The following KCNU1 variants were observed in gnomAD, a reference collection of about 807,000 sequenced individuals.
KCNU1 encodes the protein potassium channel subfamily U member 1.
Under a neutral mutation model 126.8 loss-of-function variants are expected in KCNU1, and 93 were observed. That is an observed-to-expected ratio of 0.73 (90% confidence interval 0.62 to 0.87). The LOEUF is 0.87. Ranked by LOEUF, KCNU1 falls within the 40% of genes least tolerant of loss-of-function variation. The probability of loss-of-function intolerance (pLI) is 0.00; values close to 1 mark genes in which losing one functional copy is unlikely to be tolerated. For synonymous variants in KCNU1, 523 were observed against 494.2 expected (o/e 1.06, Z -0.77); for missense variants, 1,330 against 1,367.1 (o/e 0.97, Z 0.43).
At chr8:36,855,003 G>T (rs1463755432) in intron 18 of KCNU1, among the ~76,000 whole-genome samples, 1 of 152,062 alleles carries the variant, frequency 6.6e-6, no homozygotes, top group African/African-American at 2.4e-5. Flanking sequence ...TTTGTCAAAG[G>T]ATTCTGTGTT....
chr8:36,787,214 T>TA, intron 1 of KCNU1, 92 bp from the exon 2 acceptor site: 1 of 1,151,752 alleles, frequency 8.7e-7, no homozygotes, highest in Non-Finnish European at 1.2e-6. Flanking sequence ...TTTCGACTGA[T>TA]ACCATCACAA....
intron 19 of KCNU1, among the ~76,000 whole-genome samples, chr8:36,875,302 T>C (rs1223935947): frequency 6.6e-6 from 1 of 150,776 alleles, no homozygotes; most frequent in Non-Finnish European, 1.5e-5. Context: ...TGTGTGTATG[T>C]ATATACACAC....
At position 36,845,793 on chromosome 8, in the gene KCNU1, A is replaced by G; in HGVS notation, c.1794-9A>G. 1 of 1,597,330 alleles carries G rather than the reference A, an allele frequency of 6.3e-7. No homozygotes were observed. Among genetic ancestry groups the G allele is most frequent in the Non-Finnish European group, 8.6e-7 (1 of 1,166,198 alleles). On this transcript the variant is annotated splice_polypyrimidine_tract_variant and intron_variant, in intron 17 of 26. Transcript: ENST00000399881. ...CATAATTCATTCTTGGTTTTCTTTC[A>G]TTGTCCAGAGCCTTGTTTTACTGTT...
chr8:36,922,520 A>G lies in KCNU1; in HGVS notation c.2627A>G (p.Gln876Arg). ...KNPSNIHFIE[Q>R]LGGLEGSLQE... ...CCTTCCAACATTCACTTTATTGAACAGCTTGGTGGACTGGAAGGGTCCCTC... is the reference window on the plus strand; with the variant it reads ...CCTTCCAACATTCACTTTATTGAACGGCTTGGTGGACTGGAAGGGTCCCTC... The change falls in exon 24 of 27, where the codon CAG becomes CGG. Residue 876 changes from glutamine (Q) to arginine (R), a missense_variant. Physicochemically the swap from Gln to Arg is conservative, Grantham distance 43 (BLOSUM62 1). This residue lies in a region of KCNU1 where 1,054 missense variants were observed against 1,053.9 expected (regional missense o/e 1.00). Transcript: ENST00000399881. 1 of 1,612,728 alleles carries G rather than the reference A, an allele frequency of 6.2e-7. No individual in the cohort carries two copies. The highest frequency in any genetic ancestry group is 8.5e-7 in the Non-Finnish European group (1 of 1,179,492).
At chr8:36,878,928 A>G (rs1806367903) in intron 19 of KCNU1, among the ~76,000 whole-genome samples, 2 of 147,732 alleles carry the variant, frequency 1.4e-5, no homozygotes, top group African/African-American at 4.9e-5. Flanking sequence ...TTTTATATAT[A>G]TTATATATGA....
In KCNU1 at chr8:36,845,829, T is replaced by G. The variant is rs781330913; in HGVS notation, c.1821T>G (p.His607Gln). The G allele has an allele frequency of 4.2e-5, 67 of 1,610,192 alleles. No individual in the cohort carries two copies. Among genetic ancestry groups the G allele is most frequent in the Non-Finnish European group, 5.7e-5 (67 of 1,177,624 alleles). ...RRALFYCSVC[H>Q]DDVFIPELIT... ...CCTTGTTTTACTGTTCAGTCTGTCATGATGATGTGTTCATTCCTGAGCTAA... is the reference window on the plus strand; with the variant it reads ...CCTTGTTTTACTGTTCAGTCTGTCAGGATGATGTGTTCATTCCTGAGCTAA... Residue 607 changes from histidine to glutamine, a missense_variant, in exon 18 of 27, where the codon CAT becomes CAG. His to Gln is a conservative substitution (Grantham distance 24). This residue lies in a region of KCNU1 where 1,054 missense variants were observed against 1,053.9 expected (regional missense o/e 1.00). Coordinates refer to ENST00000399881, the MANE Select transcript of KCNU1 (RefSeq NM_001031836.3).
In KCNU1 at chr8:36,789,310, G is replaced by C. The variant is rs559546639; in HGVS notation, c.315+1885G>C. On this transcript the variant is annotated intron_variant, in intron 2 of 26. Transcript: ENST00000399881. ...GGTCAAGGCTGCAGTGCTGCAGTGA[G>C]TTGTGATCATGCCACTGCACTCCAG... Among the ~76,000 whole-genome samples, 3 of 152,030 alleles carry C rather than the reference G, an allele frequency of 2.0e-5. No individual in the cohort carries two copies. The South Asian group carries it at 6.2e-4, about 32-fold the overall frequency.
chr8:36,828,699 T>C (rs1804415012), intron 10 of KCNU1, among the ~76,000 whole-genome samples: 4 of 152,172 alleles, frequency 2.6e-5, no homozygotes, highest in African/African-American at 4.8e-5. Context: ...AGTTTTGTTG[T>C]TAACATGCTT....
intron 2 of KCNU1, among the ~76,000 whole-genome samples, chr8:36,797,024 G>A (rs1430770848): frequency 6.6e-6 from 1 of 152,138 alleles, no homozygotes; most frequent in African/African-American, 2.4e-5. Context: ...CACACTAGGA[G>A]CTCTGCTAGG....
At chr8:36,925,380 A>G (rs990876400) in intron 24 of KCNU1, among the ~76,000 whole-genome samples, 2 of 152,122 alleles carry the variant, frequency 1.3e-5, no homozygotes, top group African/African-American at 4.8e-5. Flanking sequence ...GTGCTGACTG[A>G]ATCTTGAACC....
chr8:36,935,471 G>A, intron 26 of KCNU1, 44 bp from the exon 27 acceptor site: 2 of 1,508,944 alleles, frequency 1.3e-6, no homozygotes, highest in Non-Finnish European at 1.8e-6. Context: ...TGCCACACTG[G>A]CCAGCTGCAG....
chr8:36,841,204 C>T (rs1001088673), intron 16 of KCNU1, among the ~76,000 whole-genome samples: 2 of 151,968 alleles, frequency 1.3e-5, no homozygotes, highest in African/African-American at 4.8e-5. Flanking sequence ...AGGGTGGTGA[C>T]CCTCTTGGGC....
Position 36,935,841 on chromosome 8 carries a change from A to T in KCNU1, c.3371A>T (p.Asp1124Val). ...ATATCATCTCAGATACCTTTAGGTGACAATGCAAAAGAAAATGAAAGGAAA... is the reference window on the plus strand; with the variant it reads ...ATATCATCTCAGATACCTTTAGGTGTCAATGCAAAAGAAAATGAAAGGAAA... ...SIISSQIPLG[D>V]NAKENERKTS... The change falls in exon 27 of 27, where the codon GAC (aspartate) becomes GTC (valine). Residue 1124 changes from aspartate (D) to valine (V), a missense_variant. Transcript: ENST00000399881. The T allele has an allele frequency of 6.2e-7, 1 of 1,611,910 alleles. No homozygotes were observed. Among genetic ancestry groups the T allele is most frequent in the East Asian group, 2.2e-5 (1 of 44,842 alleles).
At chr8:36,905,541 G>T (rs1000865899) in intron 19 of KCNU1, among the ~76,000 whole-genome samples, 167 bp from the exon 20 acceptor site, 6 of 149,978 alleles carry the variant, frequency 4.0e-5, no homozygotes, top group Non-Finnish European at 7.4e-5. Context: ...TGGGCTCTTT[G>T]TGCTCTTCAG....
intron 24 of KCNU1, among the ~76,000 whole-genome samples, chr8:36,930,184 G>A (rs1205781672): frequency 2.6e-5 from 4 of 152,022 alleles, no homozygotes; most frequent in Non-Finnish European, 5.9e-5. Context: ...AACCTAGTGG[G>A]TAATATATTC....
At chr8:36,845,955 C>G (rs1028620730) in intron 18 of KCNU1, 56 bp downstream of exon 18, 3 of 1,037,016 alleles carry the variant, frequency 2.9e-6, no homozygotes, top group Non-Finnish European at 4.4e-6. Flanking sequence ...AGCTGCCTGA[C>G]GAAAGAGAAG....
At chr8:36,894,914 T>A (rs989659202) in intron 19 of KCNU1, among the ~76,000 whole-genome samples, 4 of 152,094 alleles carry the variant, frequency 2.6e-5, no homozygotes, top group Non-Finnish European at 5.9e-5. Context: ...TTGTGAATAA[T>A]ATATTAATTT....
intron 24 of KCNU1, chr8:36,929,062 A>G (rs916947650): frequency 2.4e-5 from 17 of 696,036 alleles, no homozygotes; most frequent in Admixed American, 6.1e-5. Flanking sequence ...TGCCATGTCA[A>G]CTTTAAAGAT....
At chr8:36,924,219 G>A (rs558629105) in intron 24 of KCNU1, among the ~76,000 whole-genome samples, 1 of 152,238 alleles carries the variant, frequency 6.6e-6, no homozygotes, top group African/African-American at 2.4e-5. Flanking sequence ...CCTCCTACCC[G>A]GGATTTTCAA....
Sources: allele counts gnomAD v4.1 joint callset (sites outside exome capture counted in the v4.1 genomes callset), GRCh38; gene constraint gnomAD v4.1.1; regional missense constraint gnomAD v4.1.1; transcripts MANE v1.5; gene names NCBI Gene and HGNC (gene_info 2026-07-23, HGNC 2026-07-21).